EGFL7: variants seen among roughly 807,000 people sequenced by gnomAD.
EGFL7 encodes the protein epidermal growth factor-like protein 7.
EGFL7 carries 48 observed loss-of-function variants against 37.1 expected under a neutral mutation model. The ratio of observed to expected loss-of-function variants is 1.29; its 90% CI spans 1.03 to 1.65. The LOEUF is 1.65. Ranked by LOEUF, EGFL7 falls within the 40% of genes most tolerant of loss-of-function variation. The pLI, the probability that EGFL7 is intolerant of heterozygous loss-of-function variation, is 0.00. For missense variants in EGFL7, 384 were observed against 378.9 expected, an observed-to-expected ratio of 1.01 and a Z score of -0.11; for synonymous variants, 180 against 156.8, an observed-to-expected ratio of 1.15 and a Z score of -1.10.
chr9:136,665,044 C>T (rs549201175), intron 3 of EGFL7, among the ~76,000 whole-genome samples: 2 of 152,348 alleles, frequency 1.3e-5, no homozygotes, highest in South Asian at 4.1e-4. Context: ...AGGTGACCAG[C>T]CCAGGGACCT....
In EGFL7 at chr9:136,668,546, C is replaced by T. The variant is rs1845626803; in HGVS notation, c.81-11C>T. Reference sequence around the variant, plus strand: ...GGGACTCCTGGGCTGACCCCCTCTCCACCCCCGCAGCCGTAGGGTGTGTGC... The same window carrying T: ...GGGACTCCTGGGCTGACCCCCTCTCTACCCCCGCAGCCGTAGGGTGTGTGC... On this transcript the variant is annotated splice_polypyrimidine_tract_variant and intron_variant, in intron 4 of 10. Coordinates refer to ENST00000308874, the MANE Select transcript of EGFL7 (RefSeq NM_016215.5). The T allele has an allele frequency of 6.2e-7, 1 of 1,606,930 alleles. No homozygotes were observed. The highest frequency in any genetic ancestry group is 8.5e-7 in the Non-Finnish European group (1 of 1,178,772).
Position 136,672,296 on chromosome 9 carries a change from G to GC in EGFL7, c.*14dup, listed in dbSNP as rs1564286669. 2 of 1,613,152 alleles carry GC rather than the reference G, an allele frequency of 1.2e-6. No individual in the cohort carries two copies. Among genetic ancestry groups the GC allele is most frequent in the East Asian group, 2.2e-5 (1 of 44,878 alleles). ...CAAGAAAGACTCGTGACTGCCCAGC[G>GC]CCCCAGGCTGGACTGAGCCCCTCAC... On this transcript the variant is annotated 3_prime_UTR_variant, in exon 11 of 11. Transcript: ENST00000308874.
chr9:136,671,143 A>C, intron 9 of EGFL7, 129 bp downstream of exon 9: 1 of 534,502 alleles, frequency 1.9e-6, no homozygotes, highest in Non-Finnish European at 3.2e-6. Context: ...GGGGGTAGGC[A>C]GGCAGTCCAG....
At chr9:136,667,268 G>A (rs974929956) in intron 3 of EGFL7, among the ~76,000 whole-genome samples, 8 of 152,148 alleles carry the variant, frequency 5.3e-5, no homozygotes, top group Non-Finnish European at 1.0e-4. Context: ...GCCCCGACCC[G>A]AAGCCTGGCC....
intron 9 of EGFL7, among the ~76,000 whole-genome samples, 171 bp from the exon 10 acceptor site, chr9:136,671,755 T>A (rs947866823): frequency 1.3e-5 from 2 of 152,106 alleles, no homozygotes; most frequent in African/African-American, 2.4e-5. Flanking sequence ...AGGCACCCAC[T>A]CTGCGGCAAG....
chr9:136,672,420 T>A lies in EGFL7; in HGVS notation c.*134T>A, dbSNP rs953731396. On this transcript the variant is annotated 3_prime_UTR_variant, in exon 11 of 11. Transcript: ENST00000308874. ...AGGCCAGGCAGGGCCTTCCTCCTCT[T>A]CCTCCTCCCCTTCCTCGGGAGGCTC... 2 of 1,068,970 alleles carry A rather than the reference T, an allele frequency of 1.9e-6. No homozygotes were observed. The highest frequency in any genetic ancestry group is 2.7e-5 in the South Asian group (2 of 74,790). The allele number at this position is 1,068,970 out of a possible 1,614,324, so 66.2% of individuals were successfully genotyped here. A position where few individuals can be genotyped will look rare whatever the true frequency, so the allele number is the denominator to read the frequency against.
chr9:136,667,702 C>T (rs552737984), intron 3 of EGFL7, among the ~76,000 whole-genome samples: 2 of 152,360 alleles, frequency 1.3e-5, no homozygotes, highest in South Asian at 2.1e-4. Context: ...ACCCTCCGCA[C>T]GGTTCCTGCT....
chr9:136,662,726 TCCCCACCCCTGGGCAGTTTGTCCAGGCC>T (rs1383023364), upstream of EGFL7, among the ~76,000 whole-genome samples: 2 of 151,974 alleles, frequency 1.3e-5, no homozygotes, highest in Admixed American at 1.3e-4. Context: ...GGGGACGGCT[TCCCCACCCCTGGGCAGTTTGTCCAGGCC>T]CCCTCACACG....
intron 8 of EGFL7, 199 bp downstream of exon 8, chr9:136,670,529 C>A: frequency 2.4e-6 from 2 of 823,774 alleles, no homozygotes; most frequent in Non-Finnish European, 4.3e-6. Context: ...TCATATCAGC[C>A]AAGAAGGCAG....
In EGFL7 at chr9:136,672,503, C is replaced by G; in HGVS notation, c.*217C>G. ...TCTCTGTGAATCCACCCCTGGCTAC[C>G]CCCACCCTGGCTACCCCAACGGCAT... On this transcript the variant is annotated 3_prime_UTR_variant, in exon 11 of 11. Coordinates refer to ENST00000308874, the MANE Select transcript of EGFL7 (RefSeq NM_016215.5). The G allele has an allele frequency of 3.2e-6, 2 of 630,216 alleles. No individual in the cohort carries two copies. The highest frequency in any genetic ancestry group is 1.9e-5 in the South Asian group (1 of 51,590). The allele number at this position is 630,216 out of a possible 1,614,324, so 39.0% of individuals were successfully genotyped here. A position where few individuals can be genotyped will look rare whatever the true frequency, so the allele number is the denominator to read the frequency against.
chr9:136,665,505 G>T (rs559246130), intron 3 of EGFL7, among the ~76,000 whole-genome samples: 2 of 152,192 alleles, frequency 1.3e-5, no homozygotes, highest in African/African-American at 4.8e-5. Flanking sequence ...GGCCGGGCTT[G>T]GTCGTGCGTC....
At chr9:136,669,204 G>A (rs868100338) in intron 5 of EGFL7, among the ~76,000 whole-genome samples, 1 of 152,202 alleles carries the variant, frequency 6.6e-6, no homozygotes, top group Non-Finnish European at 1.5e-5. Flanking sequence ...CTGGGGGAGG[G>A]GCCTGGGAAT....
chr9:136,669,900 T>C lies in EGFL7; in HGVS notation c.314-14T>C. ...GACCCAACTGAGCTGGTGACCAGCCTCCCCCGCCCACAGCAATATGCCAGC... is the reference window on the plus strand; with the variant it reads ...GACCCAACTGAGCTGGTGACCAGCCCCCCCCGCCCACAGCAATATGCCAGC... On this transcript the variant is annotated splice_polypyrimidine_tract_variant and intron_variant, in intron 6 of 10. Transcript: ENST00000308874. 2 of 1,565,472 alleles carry C rather than the reference T, an allele frequency of 1.3e-6. No homozygotes were observed. Among genetic ancestry groups the C allele is most frequent in the Non-Finnish European group, 8.6e-7 (1 of 1,156,364 alleles).
chr9:136,668,809 C>T, intron 5 of EGFL7, 136 bp downstream of exon 5: 1 of 845,956 alleles, frequency 1.2e-6, no homozygotes, highest in Non-Finnish European at 1.9e-6. Context: ...GAGAGGGCTG[C>T]CTGAGATGGG....
At chr9:136,670,875 T>C in intron 8 of EGFL7, 75 bp from the exon 9 acceptor site, 2 of 1,376,262 alleles carry the variant, frequency 1.5e-6, no homozygotes, top group Non-Finnish European at 2.0e-6. Context: ...TGCCTCTCCC[T>C]GGGGACAGGA....
At chr9:136,669,806 A>G in intron 6 of EGFL7, 85 bp downstream of exon 6, 1 of 1,438,808 alleles carries the variant, frequency 7.0e-7, no homozygotes, top group South Asian at 1.3e-5. Flanking sequence ...CTTTTCTTGA[A>G]CCCCGAGCAA....
upstream of EGFL7, chr9:136,660,511 A>C (rs1402291642): frequency 1.3e-5 from 2 of 152,400 alleles, no homozygotes; most frequent in Non-Finnish European, 2.9e-5. Flanking sequence ...GCAGTGAAGA[A>C]CAAGTTGGCA....
rs1845985448 is a variant in EGFL7, at chr9:136,672,478, T to C, written c.*192T>C. 1 of 677,022 alleles carries C rather than the reference T, an allele frequency of 1.5e-6. No individual in the cohort carries two copies. The highest frequency in any genetic ancestry group is 2.5e-6 in the Non-Finnish European group (1 of 402,312). 41.9% of individuals were successfully genotyped at this position (677,022 alleles called of 1,614,324 possible). On this transcript the variant is annotated 3_prime_UTR_variant, in exon 11 of 11. Coordinates refer to ENST00000308874, the MANE Select transcript of EGFL7 (RefSeq NM_016215.5). ...CCTGGCATGGGATGGGCTGGGATCT[T>C]CTCTGTGAATCCACCCCTGGCTACC...
At position 136,669,735 on chromosome 9, in the gene EGFL7, C is replaced by G; in HGVS notation, c.313+14C>G. ...CCTGTGGAGCAGGTGAGGGCTATGT[C>G]CCTCGGCGCCCGGTGTTAGGAGGGC... On this transcript the variant is annotated intron_variant, in intron 6 of 10. Coordinates refer to ENST00000308874, the MANE Select transcript of EGFL7 (RefSeq NM_016215.5). 1.3e-6 allele frequency: 2 copies of G among 1,556,726 alleles called. No homozygotes were observed. Among genetic ancestry groups the G allele is most frequent in the Non-Finnish European group, 1.7e-6 (2 of 1,147,022 alleles).
Sources: gnomAD v4.1 joint callset for allele counts (sites outside exome capture counted in the v4.1 genomes callset) on GRCh38, gnomAD v4.1.1 for gene constraint, MANE v1.5 for transcripts, NCBI Gene and HGNC (gene_info 2026-07-23, HGNC 2026-07-21) for gene names.